ANKFN1: variants seen among roughly 807,000 people sequenced by gnomAD.
The protein encoded by ANKFN1 is ankyrin repeat and fibronectin type-III domain-containing protein 1.
Under a neutral mutation model 108.7 loss-of-function variants are expected in ANKFN1, and 74 were observed. The ratio of observed to expected loss-of-function variants is 0.68; its 90% CI spans 0.56 to 0.83. The LOEUF (loss-of-function observed/expected upper bound fraction) is 0.83. ANKFN1 is among the 40% of genes least tolerant of loss of function. The pLI is 0.00. For missense variants in ANKFN1, 1,505 were observed against 1,382.3 expected (o/e 1.09, Z -1.41); for synonymous variants, 547 against 516.2 (o/e 1.06, Z -0.81).
At chr17:56,300,593 T>G (rs868158701) in intron 3 of ANKFN1, among the ~76,000 whole-genome samples, 2 of 151,160 alleles carry the variant, frequency 1.3e-5, no homozygotes, top group South Asian at 2.1e-4. Context: ...GGAAATTGTT[T>G]TTTTTTTTTT....
chr17:56,292,930 T>A (rs2044403866), intron 3 of ANKFN1, among the ~76,000 whole-genome samples: 1 of 152,208 alleles, frequency 6.6e-6, no homozygotes, highest in Admixed American at 6.5e-5. Context: ...TGAAATCTAA[T>A]AACTATCACC....
intron 2 of ANKFN1, chr17:56,225,059 A>T (rs1015482639): frequency 1.3e-5 from 2 of 152,124 alleles, no homozygotes; most frequent in African/African-American, 4.8e-5. Flanking sequence ...ACATAAGAAG[A>T]TCCCCATTTA....
intron 3 of ANKFN1, among the ~76,000 whole-genome samples, chr17:56,267,946 A>G (rs2043696631): frequency 6.6e-6 from 1 of 152,036 alleles, no homozygotes; most frequent in African/African-American, 2.4e-5. Flanking sequence ...TGGCATTTTG[A>G]TAGAAATAGC....
intron 4 of ANKFN1, among the ~76,000 whole-genome samples, chr17:56,108,341 G>A (rs1257660870): frequency 6.6e-6 from 1 of 152,116 alleles, no homozygotes; most frequent in Non-Finnish European, 1.5e-5. Flanking sequence ...GCCTCCCATA[G>A]CACTTTCATT....
At chr17:56,251,466 A>C (rs1598303978) in intron 3 of ANKFN1, among the ~76,000 whole-genome samples, 1 of 152,326 alleles carries the variant, frequency 6.6e-6, no homozygotes, top group East Asian at 1.9e-4. Context: ...TTTCTTAAAA[A>C]TGAAGCCTCT....
At chr17:56,450,592 A>G (rs17213404) in intron 11 of ANKFN1, among the ~76,000 whole-genome samples, 2,459 of 152,280 alleles carry the variant, frequency 0.016, 53 homozygotes, top group East Asian at 0.1. Flanking sequence ...ACCAAAGTCT[A>G]GTCAGTTCTC....
At chr17:56,063,220 A>G (rs1195067695) in intron 4 of ANKFN1, among the ~76,000 whole-genome samples, 1 of 152,068 alleles carries the variant, frequency 6.6e-6, no homozygotes, top group Non-Finnish European at 1.5e-5. Context: ...TCCGAAGATT[A>G]TATGTCTTGG....
intron 20 of ANKFN1, among the ~76,000 whole-genome samples, chr17:56,503,713 G>A (rs2145466290): frequency 6.6e-6 from 1 of 151,818 alleles, no homozygotes; most frequent in African/African-American, 2.4e-5. Context: ...CTACTCTGCT[G>A]TTGTTGGCCT....
intron 4 of ANKFN1, among the ~76,000 whole-genome samples, chr17:56,096,138 C>A (rs141131493): frequency 7.2e-4 from 110 of 152,286 alleles, no homozygotes; most frequent in Admixed American, 2.1e-3. Context: ...AAGTGCCCAA[C>A]AAATGACAGG....
chr17:56,153,121 CT>C (rs1214513006), upstream of ANKFN1, among the ~76,000 whole-genome samples: 1 of 152,202 alleles, frequency 6.6e-6, no homozygotes, highest in Non-Finnish European at 1.5e-5. Flanking sequence ...TCTCTCTTTC[CT>C]TCCCACCCTG....
intron 4 of ANKFN1, among the ~76,000 whole-genome samples, chr17:56,046,987 C>A (rs968246010): frequency 1.3e-5 from 2 of 151,372 alleles, no homozygotes; most frequent in African/African-American, 4.9e-5. Context: ...CCTTTCTTTT[C>A]TTTTTTTTTA....
intron 19 of ANKFN1, among the ~76,000 whole-genome samples, chr17:56,497,791 CTCT>C (rs1298278236): frequency 6.6e-6 from 1 of 152,060 alleles, no homozygotes; most frequent in Non-Finnish European, 1.5e-5. Context: ...GACTAACTAC[CTCT>C]TCTTACAGTT....
At chr17:56,327,807 G>A (rs1366575894) in intron 4 of ANKFN1, among the ~76,000 whole-genome samples, 1 of 152,150 alleles carries the variant, frequency 6.6e-6, no homozygotes, top group Non-Finnish European at 1.5e-5. Flanking sequence ...CTCAGTTAAT[G>A]TTTTCATGAG....
intron 8 of ANKFN1, among the ~76,000 whole-genome samples, chr17:56,434,777 G>A (rs941628947): frequency 5.6e-5 from 6 of 106,832 alleles, no homozygotes; most frequent in East Asian, 5.3e-4. Flanking sequence ...TTCTCGGCAC[G>A]TCCTTCTCTC....
intron 6 of ANKFN1, among the ~76,000 whole-genome samples, chr17:56,356,863 G>A (rs2046389600): frequency 6.6e-6 from 1 of 152,098 alleles, no homozygotes; most frequent in Non-Finnish European, 1.5e-5. Context: ...TGGCCATCCT[G>A]CACTGGGCTG....
At chr17:56,495,336 TCA>T (rs1491015396) in intron 19 of ANKFN1, among the ~76,000 whole-genome samples, 10 of 150,120 alleles carry the variant, frequency 6.7e-5, no homozygotes, top group African/African-American at 2.5e-4. Context: ...TCTCTCTCTC[TCA>T]CTCACTCACT....
Position 56,512,838 on chromosome 17 carries a change from A to T in ANKFN1, c.*1569A>T, listed in dbSNP as rs111936469. Among the ~76,000 whole-genome samples the T allele has an allele frequency of 3.9e-3, 594 of 152,360 alleles. 1 individual carries two copies. Among genetic ancestry groups the T allele is most frequent in the Non-Finnish European group, 5.7e-3 (391 of 68,034 alleles). ...AAGGTACAGATTTGGCCCATGGCCT[A>T]TGGTCATTAGAAAACTAAAGCCCAG... On this transcript the variant is annotated 3_prime_UTR_variant, in exon 21 of 21. Coordinates refer to ENST00000682825, the MANE Select transcript of ANKFN1 (RefSeq NM_001370326.1).
intron 17 of ANKFN1, 112 bp downstream of exon 17, chr17:56,480,930 C>G (rs2050677148): frequency 7.7e-6 from 9 of 1,168,838 alleles, no homozygotes; most frequent in Non-Finnish European, 7.0e-6. Flanking sequence ...TGTAAATTTT[C>G]CTTTACTTAA....
chr17:56,221,301 A>G (rs539291859), intron 2 of ANKFN1, among the ~76,000 whole-genome samples: 132 of 152,294 alleles, frequency 8.7e-4, no homozygotes, highest in Non-Finnish European at 1.5e-3. Flanking sequence ...TTTAAACATG[A>G]GATTTGAGTG....
Sources: gnomAD v4.1 joint callset for allele counts (sites outside exome capture counted in the v4.1 genomes callset) on GRCh38, gnomAD v4.1.1 for gene constraint, MANE v1.5 for transcripts, NCBI Gene and HGNC (gene_info 2026-07-23, HGNC 2026-07-21) for gene names.